The following SDK1 variants were observed in gnomAD, a reference collection of about 807,000 sequenced individuals.
The protein encoded by SDK1 is protein sidekick-1.
In SDK1, 157 loss-of-function variants were observed where a neutral mutation model predicts 245.5. That is an observed-to-expected ratio of 0.64 (90% CI 0.56 to 0.73). The LOEUF is 0.73. Ranked by LOEUF, SDK1 falls within the 30% of genes least tolerant of loss-of-function variation. SDK1 has a pLI of 0.00. For missense variants in SDK1, 3,583 were observed against 3,002.3 expected (o/e 1.19, Z -4.52); for synonymous variants, 1,647 against 1,278.5 (o/e 1.29, Z -6.15).
At chr7:3,403,892 T>C (rs1231725482) in intron 1 of SDK1, among the ~76,000 whole-genome samples, 1 of 138,742 alleles carries the variant, frequency 7.2e-6, no homozygotes, top group Non-Finnish European at 1.6e-5. Context: ...ATTTATATTA[T>C]ATATATATTT....
At chr7:3,395,361 G>T (rs973595295) in intron 1 of SDK1, among the ~76,000 whole-genome samples, 1 of 151,780 alleles carries the variant, frequency 6.6e-6, no homozygotes, top group Non-Finnish European at 1.5e-5. Context: ...TGTTGAATTT[G>T]GTTCACTAAT....
intron 1 of SDK1, chr7:3,302,290 T>C (rs1212981504): frequency 6.6e-6 from 1 of 152,176 alleles, no homozygotes; most frequent in Non-Finnish European, 1.5e-5. Context: ...CTTGGAAATA[T>C]CAAGTGCCAG....
At chr7:3,461,074 A>G (rs1780817839) in intron 1 of SDK1, among the ~76,000 whole-genome samples, 1 of 152,094 alleles carries the variant, frequency 6.6e-6, no homozygotes. Flanking sequence ...GAGGGCTTGT[A>G]AGGTTTCAGT....
At chr7:3,678,032 T>C (rs1783964666) in intron 4 of SDK1, among the ~76,000 whole-genome samples, 1 of 152,194 alleles carries the variant, frequency 6.6e-6, no homozygotes, top group Admixed American at 6.5e-5. Flanking sequence ...TAGTCATTAG[T>C]GGTCAAACCA....
At chr7:3,839,124 G>T (rs374257941) in intron 5 of SDK1, among the ~76,000 whole-genome samples, 2 of 152,088 alleles carry the variant, frequency 1.3e-5, no homozygotes, top group Non-Finnish European at 2.9e-5. Context: ...GGATGGATCC[G>T]CCTGAGAACA....
intron 1 of SDK1, among the ~76,000 whole-genome samples, chr7:3,577,985 C>G (rs142419204): frequency 1.3e-5 from 2 of 152,002 alleles, no homozygotes; most frequent in East Asian, 1.9e-4. Context: ...GAAATTTATT[C>G]TTTCCACTCA....
chr7:3,568,792 C>T (rs149421394), intron 1 of SDK1, among the ~76,000 whole-genome samples: 15 of 152,310 alleles, frequency 9.8e-5, no homozygotes, highest in Non-Finnish European at 2.1e-4. Flanking sequence ...TGTAATGGAT[C>T]TGATCACCGG....
intron 4 of SDK1, among the ~76,000 whole-genome samples, chr7:3,759,983 G>A (rs1780045951): frequency 6.6e-6 from 1 of 151,676 alleles, no homozygotes; most frequent in Non-Finnish European, 1.5e-5. Context: ...CAATACTGGG[G>A]GTATAAATTT....
chr7:3,439,108 C>T (rs1457898434), intron 1 of SDK1, among the ~76,000 whole-genome samples: 2 of 152,136 alleles, frequency 1.3e-5, no homozygotes, highest in Admixed American at 6.5e-5. Flanking sequence ...CTGCCTCAGC[C>T]TCCCAAAGTG....
chr7:3,650,654 T>C (rs1432329035), intron 4 of SDK1, among the ~76,000 whole-genome samples: 1 of 152,200 alleles, frequency 6.6e-6, no homozygotes, highest in Non-Finnish European at 1.5e-5. Flanking sequence ...AAGGTTTCTG[T>C]CAATACTAGG....
intron 43 of SDK1, among the ~76,000 whole-genome samples, chr7:4,242,195 C>G (rs1786569060): frequency 6.6e-6 from 1 of 152,160 alleles, no homozygotes; most frequent in African/African-American, 2.4e-5. Context: ...GGCTGCCAGG[C>G]TGGCCTTCTG....
chr7:3,799,913 C>G (rs1039206853), intron 4 of SDK1, among the ~76,000 whole-genome samples: 1 of 152,014 alleles, frequency 6.6e-6, no homozygotes, highest in Non-Finnish European at 1.5e-5. Context: ...CTATGCTTTT[C>G]TTTCTTTGTC....
At chr7:3,655,049 C>CTT (rs10663969) in intron 4 of SDK1, among the ~76,000 whole-genome samples, 4,770 of 144,292 alleles carry the variant, frequency 0.033, 138 homozygotes, top group African/African-American at 0.053. Flanking sequence ...TCATAGCTTG[C>CTT]TTTTTTTTTT....
At chr7:3,474,589 C>A (rs1250727818) in intron 1 of SDK1, among the ~76,000 whole-genome samples, 1 of 152,178 alleles carries the variant, frequency 6.6e-6, no homozygotes, top group Non-Finnish European at 1.5e-5. Flanking sequence ...CTGTTACCGT[C>A]TTGCCACCTC....
At chr7:4,232,108 C>A (rs1199625717) in intron 40 of SDK1, among the ~76,000 whole-genome samples, 1 of 144,640 alleles carries the variant, frequency 6.9e-6, no homozygotes, top group Non-Finnish European at 1.5e-5. Flanking sequence ...AACACACGTA[C>A]AGCACTTACT....
chr7:4,046,872 A>G (rs888742067), intron 17 of SDK1, among the ~76,000 whole-genome samples: 3 of 151,116 alleles, frequency 2.0e-5, no homozygotes, highest in Non-Finnish European at 2.9e-5. Context: ...CCCAGGCTGG[A>G]GTGCAGTGTA....
chr7:3,686,475 C>G (rs183818775), intron 4 of SDK1, among the ~76,000 whole-genome samples: 3 of 152,192 alleles, frequency 2.0e-5, no homozygotes, highest in Non-Finnish European at 4.4e-5. Context: ...AGAAAGTATA[C>G]TCATGGGCTG....
chr7:4,050,948 T>C (rs1199739037), intron 18 of SDK1, among the ~76,000 whole-genome samples: 1 of 142,704 alleles, frequency 7.0e-6, no homozygotes, highest in Non-Finnish European at 1.5e-5. Flanking sequence ...ACTATACGTA[T>C]ATATTATATA....
chr7:4,064,384 C>A (rs1353383870), intron 19 of SDK1, among the ~76,000 whole-genome samples: 1 of 152,036 alleles, frequency 6.6e-6, no homozygotes, highest in African/African-American at 2.4e-5. Context: ...CCATTTTATC[C>A]CAGTCAGAAT....
Sources: gnomAD v4.1 joint callset for allele counts (sites outside exome capture counted in the v4.1 genomes callset) on GRCh38, gnomAD v4.1.1 for gene constraint, MANE v1.5 for transcripts, NCBI Gene and HGNC (gene_info 2026-07-23, HGNC 2026-07-21) for gene names.